Variants in PODXL observed in about 807,000 individuals in gnomAD.
PODXL encodes podocalyxin.
Under a neutral mutation model 48.9 loss-of-function variants are expected in PODXL, and 20 were observed. The observed-to-expected ratio is 0.41, with a 90% CI of 0.29 to 0.59. The LOEUF (loss-of-function observed/expected upper bound fraction) is 0.59, where lower values mean the gene tolerates loss of function less well. Ranked by LOEUF, PODXL falls within the 20% of genes least tolerant of loss-of-function variation. PODXL has a pLI of 0.31. For synonymous variants in PODXL, 295 were observed against 287.4 expected (o/e 1.03, Z -0.27); for missense variants, 606 against 675.1 (o/e 0.90, Z 1.13).
intron 1 of PODXL, among the ~76,000 whole-genome samples, chr7:131,532,112 A>ATAATAATAC (rs1798288717): frequency 6.8e-6 from 1 of 146,608 alleles, no homozygotes; most frequent in Non-Finnish European, 1.5e-5. Flanking sequence ...CAAAATAATA[A>ATAATAATAC]TAATAATAAT....
At chr7:131,552,177 A>T (rs900288986) in intron 1 of PODXL, among the ~76,000 whole-genome samples, 5 of 152,142 alleles carry the variant, frequency 3.3e-5, no homozygotes, top group African/African-American at 1.2e-4. Context: ...TACAGTCCAG[A>T]GTATCCCAAG....
chr7:131,508,723 G>T (rs1239550024), intron 5 of PODXL, among the ~76,000 whole-genome samples: 2 of 147,930 alleles, frequency 1.4e-5, no homozygotes, highest in Non-Finnish European at 3.0e-5. Flanking sequence ...GGGAGGGGGG[G>T]GTCCAGTCCT....
chr7:131,504,656 G>A (rs891365466), intron 8 of PODXL, 148 bp from the exon 9 acceptor site: 3 of 669,360 alleles, frequency 4.5e-6, no homozygotes, highest in South Asian at 3.6e-5. Context: ...TGCTCCTGGT[G>A]GTCATTCTGG....
chr7:131,523,400 G>A (rs1798119934), intron 1 of PODXL, among the ~76,000 whole-genome samples: 1 of 152,110 alleles, frequency 6.6e-6, no homozygotes, highest in Non-Finnish European at 1.5e-5. Flanking sequence ...AAAACCATAT[G>A]AGCCGGGCAT....
intron 8 of PODXL, 84 bp from the exon 9 acceptor site, chr7:131,504,592 C>T: frequency 8.9e-7 from 1 of 1,127,058 alleles, no homozygotes; most frequent in Middle Eastern, 2.7e-4. Flanking sequence ...CCCTCCCACT[C>T]AGGAGCCCCA....
Position 131,503,250 on chromosome 7 carries a change from G to C in PODXL, c.*1061C>G, listed in dbSNP as rs1305013268. On this transcript the variant is annotated 3_prime_UTR_variant, in exon 9 of 9. Transcript: ENST00000378555. ...TCTGAAGACACATCGCTGATGGGGG[G>C]CCCCGGGAAGGCCTCTCCTGCAGCC... is the stretch of plus-strand genomic sequence containing the variant. The C allele has an allele frequency of 6.5e-6, 1 of 152,674 alleles. No individual in the cohort carries two copies. The highest frequency in any genetic ancestry group is 6.5e-5 in the Admixed American group (1 of 15,280). The allele number at this position is 152,674 out of a possible 1,614,324, so 9.5% of individuals were successfully genotyped here. A position where few individuals can be genotyped will look rare whatever the true frequency, so the allele number is the denominator to read the frequency against.
At chr7:131,514,616 T>G (rs564027324) in intron 1 of PODXL, among the ~76,000 whole-genome samples, 2 of 152,100 alleles carry the variant, frequency 1.3e-5, no homozygotes, top group South Asian at 4.2e-4. Flanking sequence ...TTTTGTTTTG[T>G]TTTGTTTGTG....
intron 1 of PODXL, among the ~76,000 whole-genome samples, chr7:131,538,632 G>T (rs185394461): frequency 2.0e-5 from 3 of 152,052 alleles, no homozygotes; most frequent in African/African-American, 7.2e-5. Flanking sequence ...GAATTCAATC[G>T]ACGGTGCCAC....
chr7:131,554,776 G>A (rs1798718483), intron 1 of PODXL, among the ~76,000 whole-genome samples: 1 of 152,134 alleles, frequency 6.6e-6, no homozygotes, highest in Non-Finnish European at 1.5e-5. Flanking sequence ...GCCCTTCTGG[G>A]TGGTTCTAAG....
intron 2 of PODXL, among the ~76,000 whole-genome samples, 172 bp downstream of exon 2, chr7:131,510,656 G>C (rs184467704): frequency 6.6e-6 from 1 of 152,048 alleles, no homozygotes; most frequent in Admixed American, 6.5e-5. Context: ...ATTTTTAGTA[G>C]AGACAGGGTT....
chr7:131,504,390 T>C lies in PODXL; in HGVS notation c.1598A>G (p.Glu533Gly), dbSNP rs1197794255. ...QEKKVVSLNG[E>G]LGDSWIVPLD... ...AGGGACGATCCAGCTGTCCCCCAGC[T>C]CCCCGTTGAGGCTGACCACCTTCTT... Residue 533 changes from glutamate to glycine, a missense_variant, in exon 9 of 9, where the codon GAG (glutamate) becomes GGG (glycine). Coordinates refer to ENST00000378555, the MANE Select transcript of PODXL (RefSeq NM_001018111.3). 6.2e-7 allele frequency: 1 copy of C among 1,614,172 alleles called. No individual in the cohort carries two copies.
chr7:131,528,215 C>T (rs1402866245), intron 1 of PODXL, among the ~76,000 whole-genome samples: 1 of 152,088 alleles, frequency 6.6e-6, no homozygotes, highest in Non-Finnish European at 1.5e-5. Flanking sequence ...GTCTTTGAAA[C>T]AGGAGGGAAG....
intron 1 of PODXL, among the ~76,000 whole-genome samples, chr7:131,547,305 G>A (rs906851295): frequency 1.4e-5 from 2 of 146,564 alleles, no homozygotes; most frequent in African/African-American, 5.1e-5. Context: ...CCCGGGAGGC[G>A]GAGGTAGTGG....
chr7:131,531,823 A>G (rs780471006), intron 1 of PODXL, among the ~76,000 whole-genome samples: 4 of 152,186 alleles, frequency 2.6e-5, no homozygotes, highest in Admixed American at 2.0e-4. Flanking sequence ...TAATAATCAC[A>G]CATTCCAGCC....
rs558014019 is a variant in PODXL at position 131,544,080 on chromosome 7, G to A, written c.100+12180C>T. On this transcript the variant is annotated intron_variant, in intron 1 of 8. Coordinates refer to ENST00000378555, the MANE Select transcript of PODXL (RefSeq NM_001018111.3). ...TTCACAGATGAGGAAACTGAGGCCTGCAGGGAGGACACTGGGTTGTGAGTG... is the reference window on the plus strand; with the variant it reads ...TTCACAGATGAGGAAACTGAGGCCTACAGGGAGGACACTGGGTTGTGAGTG... Among the ~76,000 whole-genome samples the A allele has an allele frequency of 1.6e-4, 24 of 152,322 alleles. 1 individual carries two copies. The South Asian group carries it at 4.6e-3, about 29-fold the overall frequency.
chr7:131,543,054 T>C (rs1006641549), intron 1 of PODXL, among the ~76,000 whole-genome samples: 5 of 152,180 alleles, frequency 3.3e-5, no homozygotes, highest in Admixed American at 2.0e-4. Flanking sequence ...GTTCTCTGCT[T>C]TTCTTTTTTG....
intron 1 of PODXL, among the ~76,000 whole-genome samples, chr7:131,520,863 T>G (rs1798080742): frequency 6.6e-6 from 1 of 152,220 alleles, no homozygotes; most frequent in Admixed American, 6.5e-5. Flanking sequence ...GCTCCTACTC[T>G]GACTACAAGA....
intron 1 of PODXL, among the ~76,000 whole-genome samples, chr7:131,523,535 A>T (rs1474933603): frequency 1.3e-5 from 2 of 151,758 alleles, no homozygotes; most frequent in African/African-American, 4.8e-5. Context: ...ACAAAAAATT[A>T]GCCGGGCTTG....
rs1327048528 is a variant in PODXL at position 131,511,321 on chromosome 7, G to A, written c.213C>T (p.Ala71=). The A allele has an allele frequency of 6.2e-7, 1 of 1,613,478 alleles. No individual in the cohort carries two copies. Among genetic ancestry groups the A allele is most frequent in the Non-Finnish European group, 8.5e-7 (1 of 1,180,008 alleles). The change falls in exon 2 of 9, where the codon GCC becomes GCT. Residue 71 remains alanine (A), a synonymous_variant. Transcript: ENST00000378555. The part of the protein sequence containing the change: ...AQQSTVPTSK[A]NEILASVKAT... ...CCTTGACCGAGGCCAAGATTTCGTT[G>A]GCCTTGGAAGTGGGGACTGTGCTCT...
Sources: allele counts gnomAD v4.1 joint callset (sites outside exome capture counted in the v4.1 genomes callset), GRCh38; gene constraint gnomAD v4.1.1; transcripts MANE v1.5; gene names NCBI Gene and HGNC (gene_info 2026-07-23, HGNC 2026-07-21).